Variants in SAMD4B observed in about 807,000 individuals in gnomAD.
The protein encoded by SAMD4B is protein Smaug homolog 2.
In SAMD4B, 5 loss-of-function variants were observed where a neutral mutation model predicts 74.5. That is an observed-to-expected ratio of 0.07 (90% CI 0.04 to 0.14). The LOEUF is 0.14. Among genes scored for constraint, SAMD4B ranks in the 10% least tolerant of loss-of-function variants. The pLI is 1.00. For synonymous variants in SAMD4B, 373 were observed against 374.9 expected (o/e 1.00, Z 0.06); for missense variants, 608 against 921.8 (o/e 0.66, Z 4.41).
At chr19:39,370,669 A>G (rs1045559783) in intron 4 of SAMD4B, among the ~76,000 whole-genome samples, 3 of 152,112 alleles carry the variant, frequency 2.0e-5, no homozygotes, top group South Asian at 2.1e-4. Context: ...AACATTATGG[A>G]TTTTATGTAT....
rs566173270 is a variant in SAMD4B, at chr19:39,383,934, G to C, written c.*407G>C. The C allele has an allele frequency of 1.8e-6, 1 of 565,716 alleles. No individual in the cohort carries two copies. The highest frequency in any genetic ancestry group is 3.1e-6 in the Non-Finnish European group (1 of 318,228). The allele number at this position is 565,716 out of a possible 1,614,324, so 35.0% of individuals were successfully genotyped here. A position where few individuals can be genotyped will look rare whatever the true frequency, so the allele number is the denominator to read the frequency against. Reference sequence around the variant, plus strand: ...TTGTGGAGCCTGCTCAGAAACATTTGACATTTGGGGTGACGCGCAGGGCAG... The same window carrying C: ...TTGTGGAGCCTGCTCAGAAACATTTCACATTTGGGGTGACGCGCAGGGCAG... On this transcript the variant is annotated 3_prime_UTR_variant, in exon 14 of 14. Transcript: ENST00000610417. The surrounding 1 kb of genome is among the most constrained non-coding windows in gnomAD (Gnocchi z 4.1).
At chr19:39,390,194 C>T (rs765236479), downstream of SAMD4B, 3 of 1,611,652 alleles carry the variant, frequency 1.9e-6, no homozygotes, top group East Asian at 4.5e-5. Flanking sequence ...AGTGGGCCCC[C>T]GCTGCCCCAC....
chr19:39,363,611 T>C (rs773365206), intron 3 of SAMD4B, among the ~76,000 whole-genome samples: 18 of 152,176 alleles, frequency 1.2e-4, no homozygotes, highest in African/African-American at 2.2e-4. Flanking sequence ...ATTGACTCTT[T>C]ACAACAATCC....
chr19:39,367,604 G>A (rs2077042256), intron 3 of SAMD4B, among the ~76,000 whole-genome samples: 1 of 147,830 alleles, frequency 6.8e-6, no homozygotes, highest in Admixed American at 6.8e-5. Context: ...CACCTCCCGA[G>A]TTCAAGTGAT....
chr19:39,348,898 G>C (rs2075855835), intron 1 of SAMD4B, among the ~76,000 whole-genome samples: 1 of 152,112 alleles, frequency 6.6e-6, no homozygotes, highest in Non-Finnish European at 1.5e-5. Context: ...GAGGAATCTA[G>C]AATAATGATA....
At chr19:39,350,159 A>G (rs2075948406) in intron 1 of SAMD4B, 1 of 152,266 alleles carries the variant, frequency 6.6e-6, no homozygotes, top group Non-Finnish European at 1.5e-5. Flanking sequence ...AAGACATGCT[A>G]AGCATCATGC....
In SAMD4B at chr19:39,383,392, C is replaced by A. The variant is rs2078121643; in HGVS notation, c.2056+101C>A. The A allele has an allele frequency of 1.9e-6, 3 of 1,564,860 alleles. No individual in the cohort carries two copies. Among genetic ancestry groups the A allele is most frequent in the Admixed American group, 1.7e-5 (1 of 59,946 alleles). On this transcript the variant is annotated intron_variant, in intron 13 of 13. Coordinates refer to ENST00000610417, the MANE Select transcript of SAMD4B (RefSeq NM_001384574.2). This position sits in a 1 kb window ranked among gnomAD's most constrained non-coding sequence, Gnocchi z 4.1. ...CATCCTGAGGGGTCCCCAGGGGAGG[C>A]CAGACTCCAGGGAGGGCCTGACTGG...
intron 4 of SAMD4B, among the ~76,000 whole-genome samples, chr19:39,372,810 G>T (rs1238781196): frequency 2.0e-5 from 3 of 152,132 alleles, no homozygotes; most frequent in Non-Finnish European, 2.9e-5. Flanking sequence ...AGGCAAAAAG[G>T]CCTGTCTTGA....
Position 39,343,973 on chromosome 19 carries a change from G to A in SAMD4B, c.-267+1397G>A, listed in dbSNP as rs1028010111. 5.6e-4 allele frequency among the ~76,000 whole-genome samples: 61 copies of A among 108,126 alleles called. 1 individual carries two copies. Among genetic ancestry groups the A allele is most frequent in the Non-Finnish European group, 2.1e-4 (12 of 56,492 alleles). 70.9% of individuals were successfully genotyped at this position (108,126 alleles called of 152,430 possible). On this transcript the variant is annotated intron_variant, in intron 1 of 13. Coordinates refer to ENST00000610417, the MANE Select transcript of SAMD4B (RefSeq NM_001384574.2). Reference sequence around the variant, plus strand: ...TCTTGGTGACCCCTCTGATATGCAGGTTTTCAGGACCCCCCCCCCCCACAC... The same window carrying A: ...TCTTGGTGACCCCTCTGATATGCAGATTTTCAGGACCCCCCCCCCCCACAC...
chr19:39,375,414 C>G lies in SAMD4B; in HGVS notation c.668-236C>G, dbSNP rs1374307909. 6.6e-6 allele frequency among the ~76,000 whole-genome samples: 1 copy of G among 152,126 alleles called. No individual in the cohort carries two copies. Among genetic ancestry groups the G allele is most frequent in the African/African-American group, 2.4e-5 (1 of 41,404 alleles). ...TAATTCCTGCCAGGGGTGCTGGTGG[C>G]TTGAGCCAGCGGAACTGGAGAAATT... On this transcript the variant is annotated intron_variant, in intron 4 of 13. Coordinates refer to ENST00000610417, the MANE Select transcript of SAMD4B (RefSeq NM_001384574.2). This position sits in a 1 kb window ranked among gnomAD's most constrained non-coding sequence, Gnocchi z 4.1.
intron 3 of SAMD4B, 83 bp downstream of exon 3, chr19:39,357,172 C>A: frequency 7.9e-7 from 1 of 1,269,856 alleles, no homozygotes; most frequent in Non-Finnish European, 1.1e-6. Context: ...GTCAACCCAA[C>A]AATGGGACTA....
rs2076204369 is a variant in SAMD4B, at chr19:39,353,992, A to G, written c.-266-14A>G. The G allele has an allele frequency of 6.6e-6, 1 of 152,188 alleles. No individual in the cohort carries two copies. Among genetic ancestry groups the G allele is most frequent in the Non-Finnish European group, 1.5e-5 (1 of 68,048 alleles). The allele number at this position is 152,188 out of a possible 1,614,324, so 9.4% of individuals were successfully genotyped here. The stretch of plus-strand genomic sequence containing the variant: ...TCATTCCCCATTAATGGATATTCCC[A>G]TTCATTTCTTCAGGATTCTTCTCAT... On this transcript the variant is annotated splice_polypyrimidine_tract_variant and intron_variant, in intron 1 of 13. Transcript: ENST00000610417.
rs2077727322 is a variant in SAMD4B at position 39,378,335 on chromosome 19, T to C, written c.1445-169T>C. 6.6e-6 allele frequency among the ~76,000 whole-genome samples: 1 copy of C among 152,222 alleles called. No individual in the cohort carries two copies. Among genetic ancestry groups the C allele is most frequent in the Non-Finnish European group, 1.5e-5 (1 of 68,038 alleles). On this transcript the variant is annotated intron_variant, in intron 8 of 13. Coordinates refer to ENST00000610417, the MANE Select transcript of SAMD4B (RefSeq NM_001384574.2). This position sits in a 1 kb window ranked among gnomAD's most constrained non-coding sequence, Gnocchi z 4.4. The stretch of plus-strand genomic sequence containing the variant: ...GTAGTGACAAGATTGTGTCAGGCAC[T>C]ATGTTGTATATCCTCATGATAACCC...
At chr19:39,373,826 T>C (rs1011741173) in intron 4 of SAMD4B, among the ~76,000 whole-genome samples, 66 of 150,972 alleles carry the variant, frequency 4.4e-4, no homozygotes, top group Non-Finnish European at 9.1e-4. Context: ...TAGCCAGGCG[T>C]GGTGGTGGGT....
chr19:39,377,624 C>T lies in SAMD4B; in HGVS notation c.1244C>T (p.Pro415Leu), dbSNP rs369586667. Reference protein sequence around the residue: ...TTTPTAKDGAPGEPPLPGAEP... With the variant: ...TTTPTAKDGALGEPPLPGAEP... ...ACCCCTACTGCCAAGGATGGGGCCCCGGGGGAACCACCGCTGCCAGGTGCT... is the reference window on the plus strand; with the variant it reads ...ACCCCTACTGCCAAGGATGGGGCCCTGGGGGAACCACCGCTGCCAGGTGCT... Residue 415 changes from proline to leucine, a missense_variant, in exon 8 of 14, where the codon CCG (proline) becomes CTG (leucine). Pro to Leu is a moderately conservative substitution (Grantham distance 98). Coordinates refer to ENST00000610417, the MANE Select transcript of SAMD4B (RefSeq NM_001384574.2). The T allele has an allele frequency of 1.5e-5, 24 of 1,613,946 alleles. No individual in the cohort carries two copies. In the African/African-American group the frequency reaches 2.3e-4, roughly 15 times the overall value.
At chr19:39,352,757 G>A (rs2145321847) in intron 1 of SAMD4B, among the ~76,000 whole-genome samples, 1 of 151,598 alleles carries the variant, frequency 6.6e-6, no homozygotes, top group East Asian at 1.9e-4. Context: ...TTATTGGGTG[G>A]GTGGAGGGGG....
chr19:39,385,888 G>A, downstream of SAMD4B: 1 of 1,511,080 alleles, frequency 6.6e-7, no homozygotes, highest in Non-Finnish European at 8.9e-7. Flanking sequence ...CAAAGGTTTG[G>A]GGGTGGGGAA....
At chr19:39,374,341 G>A (rs1342166435) in intron 4 of SAMD4B, among the ~76,000 whole-genome samples, 1 of 152,144 alleles carries the variant, frequency 6.6e-6, no homozygotes, top group African/African-American at 2.4e-5. Flanking sequence ...TCCTTCAGAA[G>A]AGGACCTGGG....
chr19:39,375,169 G>A lies in SAMD4B; in HGVS notation c.668-481G>A, dbSNP rs949067869. Among the ~76,000 whole-genome samples, 2 of 152,216 alleles carry A rather than the reference G, an allele frequency of 1.3e-5. No homozygotes were observed. The highest frequency in any genetic ancestry group is 2.9e-5 in the Non-Finnish European group (2 of 68,034). ...CTAGAGAGGCATGAACCAAGTGGTG[G>A]GTTGTGGGAGAGGAACAGGGGCCAG... On this transcript the variant is annotated intron_variant, in intron 4 of 13. Transcript: ENST00000610417. This position sits in a 1 kb window ranked among gnomAD's most constrained non-coding sequence, Gnocchi z 4.1.
Sources: allele counts gnomAD v4.1 joint callset (sites outside exome capture counted in the v4.1 genomes callset), GRCh38; gene constraint gnomAD v4.1.1; non-coding constraint Gnocchi (gnomAD v3.1); transcripts MANE v1.5; gene names NCBI Gene and HGNC (gene_info 2026-07-23, HGNC 2026-07-21).